SRBD1: variants seen among roughly 807,000 people sequenced by gnomAD.
SRBD1 encodes S1 RNA-binding domain-containing protein 1.
SRBD1 carries 88 observed loss-of-function variants against 115.3 expected under a neutral mutation model. That is an observed-to-expected ratio of 0.76 (90% CI 0.64 to 0.91). The LOEUF is 0.91. Among genes scored for constraint, SRBD1 ranks in the 40% least tolerant of loss-of-function variants. SRBD1 has a pLI of 0.00. For synonymous variants in SRBD1, 509 were observed against 407.7 expected, an observed-to-expected ratio of 1.25 and a Z score of -2.99; for missense variants, 1,385 against 1,177.4, an observed-to-expected ratio of 1.18 and a Z score of -2.58.
intron 15 of SRBD1, among the ~76,000 whole-genome samples, chr2:45,483,554 A>G (rs1361679255): frequency 2.0e-5 from 3 of 152,128 alleles, no homozygotes; most frequent in African/African-American, 7.2e-5. Flanking sequence ...AATATCTAGA[A>G]TCCTAAAGCT....
Position 45,580,834 on chromosome 2 carries a change from G to A in SRBD1, c.934-821C>T, listed in dbSNP as rs186149231. ...TGAGTAGCTGGGATTACAGGCACCC[G>A]CCACCACGCCCAGCTAATTTTTGTA... On this transcript the variant is annotated intron_variant, in intron 6 of 20. Transcript: ENST00000263736. 3.0e-3 allele frequency among the ~76,000 whole-genome samples: 451 copies of A among 150,970 alleles called. 1 individual carries two copies. Among genetic ancestry groups the A allele is most frequent in the African/African-American group, 0.01 (422 of 41,146 alleles).
At chr2:45,430,168 T>C (rs1019748761) in intron 16 of SRBD1, among the ~76,000 whole-genome samples, 1 of 152,182 alleles carries the variant, frequency 6.6e-6, no homozygotes, top group Non-Finnish European at 1.5e-5. Context: ...AAACATTCCA[T>C]GCTCATGGAT....
At chr2:45,433,601 G>A (rs1434549224) in intron 16 of SRBD1, among the ~76,000 whole-genome samples, 1 of 152,150 alleles carries the variant, frequency 6.6e-6, no homozygotes, top group East Asian at 1.9e-4. Context: ...CTGACAGGAG[G>A]CTGGGAAACA....
intron 7 of SRBD1, among the ~76,000 whole-genome samples, chr2:45,576,866 A>C (rs1673194098): frequency 6.6e-6 from 1 of 152,236 alleles, no homozygotes; most frequent in African/African-American, 2.4e-5. Context: ...TTGCAATAAG[A>C]AAGGGCCTTT....
intron 19 of SRBD1, among the ~76,000 whole-genome samples, chr2:45,394,771 AAAAT>A (rs1316998683): frequency 6.6e-6 from 1 of 152,210 alleles, no homozygotes; most frequent in African/African-American, 2.4e-5. Flanking sequence ...TATATGGCCA[AAAAT>A]AGACACACTT....
In SRBD1 at chr2:45,599,972, T is replaced by C. The variant is rs371108100; in HGVS notation, c.262-137A>G. 31 of 1,081,068 alleles carry C rather than the reference T, an allele frequency of 2.9e-5. No homozygotes were observed. In the East Asian group the frequency reaches 7.3e-4, roughly 25 times the overall value. 67.0% of individuals were successfully genotyped at this position (1,081,068 alleles called of 1,614,324 possible). ...AGAATCTCAAGTAAATTATGTTGAG[T>C]GGGAAAAAAAGCCAATCTCAAAGTT... On this transcript the variant is annotated intron_variant, in intron 3 of 20. Transcript: ENST00000263736.
intron 16 of SRBD1, among the ~76,000 whole-genome samples, chr2:45,425,087 C>A (rs1668113600): frequency 1.3e-5 from 2 of 152,306 alleles, no homozygotes; most frequent in East Asian, 1.9e-4. Context: ...GTAATAAAAT[C>A]TCTTTATCAT....
intron 14 of SRBD1, among the ~76,000 whole-genome samples, chr2:45,513,975 T>C (rs1477930093): frequency 6.6e-6 from 1 of 152,170 alleles, no homozygotes; most frequent in Non-Finnish European, 1.5e-5. Flanking sequence ...ATCAGATGAT[T>C]TGGACTTAAG....
chr2:45,399,198 C>T (rs1311092231), intron 19 of SRBD1, among the ~76,000 whole-genome samples: 1 of 152,060 alleles, frequency 6.6e-6, no homozygotes, highest in African/African-American at 2.4e-5. Context: ...AAAATCAAGG[C>T]TCTTCAAAGG....
intron 14 of SRBD1, among the ~76,000 whole-genome samples, chr2:45,525,904 TCAAAAAC>T (rs1433345114): frequency 6.6e-6 from 1 of 151,892 alleles, no homozygotes; most frequent in African/African-American, 2.4e-5. Flanking sequence ...AAAATCCAAA[TCAAAAAC>T]CACAATGATA....
At chr2:45,512,030 C>G (rs1318988285) in intron 14 of SRBD1, among the ~76,000 whole-genome samples, 2 of 152,164 alleles carry the variant, frequency 1.3e-5, no homozygotes, top group Non-Finnish European at 2.9e-5. Context: ...TTGCTTTATC[C>G]TGCAAAGAGG....
intron 16 of SRBD1, among the ~76,000 whole-genome samples, chr2:45,465,566 T>C (rs960405889): frequency 3.9e-5 from 6 of 152,158 alleles, no homozygotes; most frequent in African/African-American, 1.4e-4. Flanking sequence ...ACACTTTTAA[T>C]GATCAAAGTA....
chr2:45,437,151 T>A (rs1047586761), intron 16 of SRBD1, among the ~76,000 whole-genome samples: 1 of 152,102 alleles, frequency 6.6e-6, no homozygotes, highest in Non-Finnish European at 1.5e-5. Flanking sequence ...GTGGGTAGGA[T>A]GACTCAATAC....
intron 16 of SRBD1, among the ~76,000 whole-genome samples, chr2:45,448,368 A>T (rs1197652872): frequency 6.6e-6 from 1 of 152,196 alleles, no homozygotes; most frequent in Non-Finnish European, 1.5e-5. Flanking sequence ...ACAAAAAAAC[A>T]TTATGATCAC....
At chr2:45,407,501 C>T (rs1215638236) in intron 19 of SRBD1, among the ~76,000 whole-genome samples, 1 of 152,048 alleles carries the variant, frequency 6.6e-6, no homozygotes, top group Non-Finnish European at 1.5e-5. Flanking sequence ...AAGTTTTATC[C>T]TCCCCAAGGA....
intron 14 of SRBD1, among the ~76,000 whole-genome samples, chr2:45,505,311 G>C (rs1372042379): frequency 6.6e-6 from 1 of 152,196 alleles, no homozygotes; most frequent in Admixed American, 6.5e-5. Flanking sequence ...ATGTGGTCAT[G>C]TCAGAGCCAC....
chr2:45,602,283 A>T (rs1674120091), intron 2 of SRBD1, among the ~76,000 whole-genome samples, 200 bp from the exon 3 acceptor site: 1 of 152,218 alleles, frequency 6.6e-6, no homozygotes, highest in Admixed American at 6.5e-5. Flanking sequence ...AAAATACCGC[A>T]GTATGCTGTA....
intron 14 of SRBD1, among the ~76,000 whole-genome samples, chr2:45,498,015 C>G (rs939408688): frequency 1.3e-5 from 2 of 152,146 alleles, no homozygotes; most frequent in African/African-American, 2.4e-5. Flanking sequence ...AAAAAGAAAA[C>G]TACCTAGGTG....
chr2:45,574,457 C>T (rs1308541636), intron 8 of SRBD1, among the ~76,000 whole-genome samples, 170 bp downstream of exon 8: 4 of 152,102 alleles, frequency 2.6e-5, no homozygotes, highest in Non-Finnish European at 4.4e-5. Flanking sequence ...AACAACTTTA[C>T]TTTTATCTGT....
Sources: gnomAD v4.1 joint callset for allele counts (sites outside exome capture counted in the v4.1 genomes callset) on GRCh38, gnomAD v4.1.1 for gene constraint, MANE v1.5 for transcripts, NCBI Gene and HGNC (gene_info 2026-07-23, HGNC 2026-07-21) for gene names.